The following GDPD4 variants were observed in gnomAD, a reference collection of about 807,000 sequenced individuals.
The protein encoded by GDPD4 is glycerophosphodiester phosphodiesterase domain containing 4.
Under a neutral mutation model 67.8 loss-of-function variants are expected in GDPD4, and 60 were observed. The observed-to-expected ratio is 0.88, with a 90% CI of 0.72 to 1.10. GDPD4 has a LOEUF of 1.10. Among genes scored for constraint, GDPD4 ranks in the 50% least tolerant of loss-of-function variants. The probability of loss-of-function intolerance (pLI) is 0.00; values close to 1 mark genes in which losing one functional copy is unlikely to be tolerated. For synonymous variants in GDPD4, 212 were observed against 210.9 expected (o/e 1.00, Z -0.04); for missense variants, 623 against 613.9 (o/e 1.01, Z -0.16).
At chr11:77,252,368 C>CT (rs1958923637) in intron 11 of GDPD4, among the ~76,000 whole-genome samples, 1 of 152,106 alleles carries the variant, frequency 6.6e-6, no homozygotes, top group African/African-American at 2.4e-5. Context: ...CCGGCTGGTT[C>CT]TTTTTTACTG....
Position 77,220,162 on chromosome 11 carries a change from A to G in GDPD4, c.1526-2848T>C, listed in dbSNP as rs549628553. 2.7e-3 allele frequency among the ~76,000 whole-genome samples: 413 copies of G among 152,308 alleles called. 2 individuals carry two copies. Among genetic ancestry groups the G allele is most frequent in the Non-Finnish European group, 4.5e-3 (305 of 68,020 alleles). ...ATCATGTCATCTGCAAACAGGGACAATTTGACTTCCTCTCTTCCTAATTGA... is the reference window on the plus strand; with the variant it reads ...ATCATGTCATCTGCAAACAGGGACAGTTTGACTTCCTCTCTTCCTAATTGA... On this transcript the variant is annotated intron_variant, in intron 16 of 16. Transcript: ENST00000315938.
At chr11:77,270,408 C>G (rs1222727494) in intron 7 of GDPD4, among the ~76,000 whole-genome samples, 1 of 152,166 alleles carries the variant, frequency 6.6e-6, no homozygotes, top group Non-Finnish European at 1.5e-5. Context: ...AATCTCTGGA[C>G]CTAGTATTAG....
At chr11:77,247,642 T>C (rs1026906151) in intron 11 of GDPD4, among the ~76,000 whole-genome samples, 3 of 152,288 alleles carry the variant, frequency 2.0e-5, no homozygotes, top group Admixed American at 2.0e-4. Context: ...AGATGAAACA[T>C]CTGGTTCCTC....
intron 13 of GDPD4, among the ~76,000 whole-genome samples, chr11:77,239,702 T>C (rs965250065): frequency 1.8e-4 from 27 of 152,126 alleles, no homozygotes; most frequent in African/African-American, 6.0e-4. Flanking sequence ...GCTCACACCT[T>C]ATAATCCCAG....
At chr11:77,246,725 T>G (rs1958791416) in intron 11 of GDPD4, among the ~76,000 whole-genome samples, 1 of 152,144 alleles carries the variant, frequency 6.6e-6, no homozygotes. Context: ...AGTATACAAT[T>G]CACATTAGTT....
Position 77,233,063 on chromosome 11 carries a change from C to A in GDPD4, c.1351G>T (p.Gly451Trp). ...RINSVTTDNI[G>W]LLSQLDHPHF... Reference sequence around the variant, plus strand: ...GGGTGATCAAGCTGACTCAGGAGCCCAATGTTGTCTGTGGTCACTGAGTTA... The same window carrying A: ...GGGTGATCAAGCTGACTCAGGAGCCAAATGTTGTCTGTGGTCACTGAGTTA... The change falls in exon 14 of 17, where the codon GGG (glycine) becomes TGG (tryptophan). Residue 451 changes from glycine (G) to tryptophan (W), a missense_variant. Coordinates refer to ENST00000315938, the MANE Select transcript of GDPD4 (RefSeq NM_182833.3). 6.2e-7 allele frequency: 1 copy of A among 1,614,028 alleles called. No homozygotes were observed.
chr11:77,225,932 C>T (rs555759560), intron 16 of GDPD4, among the ~76,000 whole-genome samples: 3 of 152,152 alleles, frequency 2.0e-5, no homozygotes, highest in Admixed American at 6.5e-5. Flanking sequence ...CTTGGTCCTG[C>T]ACCTTCTAGA....
At chr11:77,219,731 G>C (rs1958191210) in intron 16 of GDPD4, among the ~76,000 whole-genome samples, 1 of 119,354 alleles carries the variant, frequency 8.4e-6, no homozygotes, top group Admixed American at 9.4e-5. Context: ...CTGTTCCATT[G>C]GTCTATATCT....
chr11:77,281,638 G>A (rs1421894818), intron 3 of GDPD4, among the ~76,000 whole-genome samples: 3 of 152,192 alleles, frequency 2.0e-5, no homozygotes, highest in African/African-American at 7.2e-5. Context: ...ATTGGCTGAG[G>A]TACAGGAAGC....
At chr11:77,248,946 C>T (rs1211338713) in intron 11 of GDPD4, among the ~76,000 whole-genome samples, 11 of 146,650 alleles carry the variant, frequency 7.5e-5, no homozygotes, top group Admixed American at 6.9e-4. Flanking sequence ...AGGCTGGTCT[C>T]GAACTCATGA....
chr11:77,269,575 C>G (rs1361007654), intron 8 of GDPD4, among the ~76,000 whole-genome samples: 1 of 152,180 alleles, frequency 6.6e-6, no homozygotes, highest in Non-Finnish European at 1.5e-5. Context: ...CTCTCTGAAT[C>G]TTCATTTTCT....
chr11:77,224,079 T>C (rs1958279170), intron 16 of GDPD4, among the ~76,000 whole-genome samples: 1 of 152,130 alleles, frequency 6.6e-6, no homozygotes. Context: ...CGTGTCTCGA[T>C]TTTCCTGGTA....
chr11:77,220,617 T>C (rs572024078), intron 16 of GDPD4, among the ~76,000 whole-genome samples: 6 of 152,208 alleles, frequency 3.9e-5, no homozygotes, highest in Admixed American at 1.3e-4. Context: ...CAGTATTTTA[T>C]TGAGGATTTT....
At chr11:77,294,314 T>C (rs1251680468) in intron 1 of GDPD4, among the ~76,000 whole-genome samples, 1 of 152,236 alleles carries the variant, frequency 6.6e-6, no homozygotes, top group Non-Finnish European at 1.5e-5. Context: ...AACTTTTCTG[T>C]AAATCTAAAA....
intron 2 of GDPD4, among the ~76,000 whole-genome samples, chr11:77,286,729 G>A (rs553972478): frequency 1.3e-5 from 2 of 152,166 alleles, no homozygotes; most frequent in South Asian, 2.1e-4. Context: ...GCTAGTCCAC[G>A]TGCCACCACT....
intron 1 of GDPD4, among the ~76,000 whole-genome samples, chr11:77,298,534 T>C (rs905554787): frequency 6.6e-6 from 1 of 152,240 alleles, no homozygotes; most frequent in South Asian, 2.1e-4. Context: ...TGGTTGACAA[T>C]GGTTGAGTTT....
rs111354757 is a variant in GDPD4 at position 77,260,865 on chromosome 11, A to G, written c.708-2323T>C. On this transcript the variant is annotated intron_variant, in intron 10 of 16. Transcript: ENST00000315938. The stretch of plus-strand genomic sequence containing the variant: ...CATTAGAATCTATCCAGATGAAAGC[A>G]TAGAAAGAAGACTGAAACAAAAAAG... Among the ~76,000 whole-genome samples the G allele has an allele frequency of 3.3e-3, 508 of 152,322 alleles. 1 individual carries two copies. The highest frequency in any genetic ancestry group is 0.011 in the African/African-American group (472 of 41,576).
intron 13 of GDPD4, among the ~76,000 whole-genome samples, chr11:77,243,343 T>C (rs1466699162): frequency 6.6e-6 from 1 of 152,182 alleles, no homozygotes; most frequent in Non-Finnish European, 1.5e-5. Flanking sequence ...CTGGTAATGG[T>C]AGGAGGAAAT....
intron 4 of GDPD4, among the ~76,000 whole-genome samples, chr11:77,278,566 A>G (rs200912066): frequency 6.6e-6 from 1 of 152,232 alleles, no homozygotes; most frequent in East Asian, 1.9e-4. Context: ...ATAATGATTA[A>G]TAAGTTTTGT....
Sources: allele counts gnomAD v4.1 joint callset (sites outside exome capture counted in the v4.1 genomes callset), GRCh38; gene constraint gnomAD v4.1.1; transcripts MANE v1.5; gene names NCBI Gene and HGNC (gene_info 2026-07-23, HGNC 2026-07-21).